RUNX3: variants seen among roughly 807,000 people sequenced by gnomAD.
RUNX3 encodes the protein runt-related transcription factor 3.
RUNX3 carries 10 observed loss-of-function variants against 27.7 expected under a neutral mutation model. The ratio of observed to expected loss-of-function variants is 0.36; its 90% CI spans 0.22 to 0.61. The LOEUF is 0.61. Ranked by LOEUF, RUNX3 falls within the 20% of genes least tolerant of loss-of-function variation. The probability of loss-of-function intolerance (pLI) is 0.72; values close to 1 mark genes in which losing one functional copy is unlikely to be tolerated. For synonymous variants in RUNX3, 270 were observed against 269.2 expected, an observed-to-expected ratio of 1.00 and a Z score of -0.03; for missense variants, 469 against 629.5, an observed-to-expected ratio of 0.75 and a Z score of 2.73.
rs1022347380 is a variant in RUNX3, at chr1:24,900,812, G to C, written c.*1310C>G. The C allele has an allele frequency of 6.6e-6, 1 of 152,176 alleles. No homozygotes were observed. 9.4% of individuals were successfully genotyped at this position (152,176 alleles called of 1,614,324 possible). A position where few individuals can be genotyped will look rare whatever the true frequency, so the allele number is the denominator to read the frequency against. ...CTGGTGGGATGCTGCCTGATGGGGAGTGTAGCCCCTTGAGAAAGTATTGAG... is the reference window on the plus strand; with the variant it reads ...CTGGTGGGATGCTGCCTGATGGGGACTGTAGCCCCTTGAGAAAGTATTGAG... On this transcript the variant is annotated 3_prime_UTR_variant, in exon 5 of 5. Coordinates refer to ENST00000308873, the MANE Select transcript of RUNX3 (RefSeq NM_004350.3).
chr1:24,929,999 A>T lies in RUNX3; in HGVS notation c.-131T>A. 8.8e-7 allele frequency: 1 copy of T among 1,140,578 alleles called. No homozygotes were observed. 70.7% of individuals were successfully genotyped at this position (1,140,578 alleles called of 1,614,324 possible). ...GCAGAAGCGGCGGGGCCCGGGCCTC[A>T]GGGCGCAGGGGGCGGCGCCCGGCCA... On this transcript the variant is annotated 5_prime_UTR_variant, in exon 1 of 5. Transcript: ENST00000308873.
chr1:24,928,865 C>T (rs562434302), intron 1 of RUNX3: 349 of 362,116 alleles, frequency 9.6e-4, no homozygotes, highest in African/African-American at 6.1e-3. Context: ...CTGCCCTGCC[C>T]TTTTCTCACG....
At chr1:24,917,020 G>C (rs1226821253) in intron 3 of RUNX3, among the ~76,000 whole-genome samples, 1 of 152,242 alleles carries the variant, frequency 6.6e-6, no homozygotes, top group Non-Finnish European at 1.5e-5. Context: ...AGGCAGGGCT[G>C]AGTCTCCATG....
rs1557832225 is a variant in RUNX3 at position 24,899,949 on chromosome 1, AG to A, written c.*2172del. 1 of 152,472 alleles carries A rather than the reference AG, an allele frequency of 6.6e-6. No homozygotes were observed. The highest frequency in any genetic ancestry group is 1.5e-5 in the Non-Finnish European group (1 of 68,102). 9.4% of individuals were successfully genotyped at this position (152,472 alleles called of 1,614,324 possible). On this transcript the variant is annotated 3_prime_UTR_variant, in exon 5 of 5. Transcript: ENST00000308873. ...AGTACGGCTGCCGTCACTTTTTGTC[AG>A]GGGATGGGGGATGGGGTAGGAAGAG... is the stretch of plus-strand genomic sequence containing the variant.
intron 3 of RUNX3, among the ~76,000 whole-genome samples, chr1:24,908,479 T>C (rs187515305): frequency 3.3e-4 from 50 of 151,524 alleles, no homozygotes; most frequent in Non-Finnish European, 5.3e-4. Flanking sequence ...GACCCCTGTC[T>C]GTACAAAAAT....
intron 3 of RUNX3, among the ~76,000 whole-genome samples, chr1:24,911,079 C>G (rs537613706): frequency 1.3e-5 from 2 of 152,326 alleles, no homozygotes; most frequent in East Asian, 3.9e-4. Context: ...AAATGTTGTC[C>G]TTGCTCCTGA....
intron 3 of RUNX3, among the ~76,000 whole-genome samples, chr1:24,915,585 A>C (rs182101641): frequency 6.6e-6 from 1 of 152,292 alleles, no homozygotes; most frequent in East Asian, 1.9e-4. Flanking sequence ...GTGCCACTTG[A>C]AACAGGCGGG....
intron 2 of RUNX3, among the ~76,000 whole-genome samples, chr1:24,945,652 C>G: frequency 6.6e-6 from 1 of 152,166 alleles, no homozygotes; most frequent in Non-Finnish European, 1.5e-5. Flanking sequence ...AATTCCAGGC[C>G]TTTGAAAACT....
intron 2 of RUNX3, among the ~76,000 whole-genome samples, chr1:24,948,761 G>A (rs1641681119): frequency 6.6e-6 from 1 of 151,954 alleles, no homozygotes; most frequent in Admixed American, 6.5e-5. Context: ...TGCATGTGGG[G>A]GAGGGGCATA....
chr1:24,928,752 C>A, intron 1 of RUNX3: 1 of 235,740 alleles, frequency 4.2e-6, no homozygotes, highest in Non-Finnish European at 8.6e-6. Context: ...CCTCAAAGAG[C>A]CACTCTTCCT....
At position 24,927,874 on chromosome 1, in the gene RUNX3, G is replaced by A. The variant is rs1418392859; in HGVS notation, c.283-144C>T. 22 of 666,118 alleles carry A rather than the reference G, an allele frequency of 3.3e-5. No homozygotes were observed. Among genetic ancestry groups the A allele is most frequent in the Admixed American group, 5.6e-5 (2 of 35,926 alleles). The allele number at this position is 666,118 out of a possible 1,614,324, so 41.3% of individuals were successfully genotyped here. A position where few individuals can be genotyped will look rare whatever the true frequency, so the allele number is the denominator to read the frequency against. On this transcript the variant is annotated intron_variant, in intron 1 of 4. Coordinates refer to ENST00000308873, the MANE Select transcript of RUNX3 (RefSeq NM_004350.3). This position sits in a 1 kb window ranked among gnomAD's most constrained non-coding sequence, Gnocchi z 5.0. ...TTCTCCAATGCAGGGTGGAGAAGAG[G>A]CTTAAAAACAATAAAGACCTTCCCC...
At chr1:24,953,402 G>GAAAAAAAAAAAAAAAAAAAACA in intron 2 of RUNX3, among the ~76,000 whole-genome samples, 1 of 70,480 alleles carries the variant, frequency 1.4e-5, no homozygotes, top group Non-Finnish European at 2.9e-5. Context: ...AAAGAAAAAT[G>GAAAAAAAAAAAAAAAAAAAACA]AAAAAAAAAA....
intron 2 of RUNX3, among the ~76,000 whole-genome samples, chr1:24,955,591 C>A (rs988445155): frequency 6.6e-6 from 1 of 152,168 alleles, no homozygotes; most frequent in Admixed American, 6.5e-5. Flanking sequence ...GAGGAGAGAG[C>A]CTACCTTAGT....
rs1239858791 is a variant in RUNX3, at chr1:24,927,775, GA to G, written c.283-46del. 6.3e-7 allele frequency: 1 copy of G among 1,581,246 alleles called. No homozygotes were observed. Among genetic ancestry groups the G allele is most frequent in the South Asian group, 1.1e-5 (1 of 90,518 alleles). The stretch of plus-strand genomic sequence containing the variant: ...GGATGCAGGGGGACAGCTTAGAAAG[GA>G]AGAGGGTGACCAGGGAAAGGAGGGG... On this transcript the variant is annotated intron_variant, in intron 1 of 4. Coordinates refer to ENST00000308873, the MANE Select transcript of RUNX3 (RefSeq NM_004350.3). The surrounding 1 kb of genome is among the most constrained non-coding windows in gnomAD (Gnocchi z 5.0).
At chr1:24,935,037 C>G (rs903739757), upstream of RUNX3, among the ~76,000 whole-genome samples, 1 of 152,280 alleles carries the variant, frequency 6.6e-6, no homozygotes, top group African/African-American at 2.4e-5. Context: ...GCAGTAGTCC[C>G]CAGTTTACAG....
chr1:24,947,196 T>TG (rs1417242373), intron 2 of RUNX3, among the ~76,000 whole-genome samples: 1 of 152,188 alleles, frequency 6.6e-6, no homozygotes, highest in Non-Finnish European at 1.5e-5. Flanking sequence ...CCTTGTCACC[T>TG]GGGGGTGCAA....
intron 4 of RUNX3, among the ~76,000 whole-genome samples, chr1:24,905,693 G>A (rs892459145): frequency 6.6e-6 from 1 of 152,236 alleles, no homozygotes; most frequent in Non-Finnish European, 1.5e-5. Flanking sequence ...TGGTGGACAG[G>A]AAGCCACTGT....
At chr1:24,951,665 A>G (rs1641770583) in intron 2 of RUNX3, among the ~76,000 whole-genome samples, 1 of 152,202 alleles carries the variant, frequency 6.6e-6, no homozygotes, top group African/African-American at 2.4e-5. Context: ...AATGGGGCCA[A>G]GAGAAGACCA....
At chr1:24,956,820 T>A (rs1013834091) in intron 2 of RUNX3, among the ~76,000 whole-genome samples, 1 of 152,204 alleles carries the variant, frequency 6.6e-6, no homozygotes, top group Non-Finnish European at 1.5e-5. Context: ...CCCCACCCCT[T>A]TCCACTCCAT....
Sources: gnomAD v4.1 joint callset for allele counts (sites outside exome capture counted in the v4.1 genomes callset) on GRCh38, gnomAD v4.1.1 for gene constraint, Gnocchi (gnomAD v3.1) non-coding constraint, MANE v1.5 for transcripts, NCBI Gene and HGNC (gene_info 2026-07-23, HGNC 2026-07-21) for gene names.